The following IQCB1 variants were observed in gnomAD, a reference collection of about 807,000 sequenced individuals.
IQCB1 encodes IQ calmodulin-binding motif-containing protein 1.
IQCB1 carries 56 observed loss-of-function variants against 84.4 expected under a neutral mutation model. The observed-to-expected ratio is 0.66, with a 90% CI of 0.54 to 0.83. The LOEUF (loss-of-function observed/expected upper bound fraction) is 0.83. Among genes scored for constraint, IQCB1 ranks in the 40% least tolerant of loss-of-function variants. IQCB1 has a pLI of 0.00. For missense variants in IQCB1, 629 were observed against 682.1 expected (o/e 0.92, Z 0.87); for synonymous variants, 210 against 234.8 (o/e 0.89, Z 0.96).
intron 5 of IQCB1, among the ~76,000 whole-genome samples, chr3:121,818,354 G>A (rs1412475803): frequency 6.6e-6 from 1 of 152,164 alleles, no homozygotes; most frequent in Non-Finnish European, 1.5e-5. Flanking sequence ...ATTCCCACTT[G>A]CGGGTACCTA....
chr3:121,829,683 C>T (rs1019794858), intron 2 of IQCB1, among the ~76,000 whole-genome samples: 2 of 152,172 alleles, frequency 1.3e-5, no homozygotes, highest in South Asian at 2.1e-4. Flanking sequence ...TTAAGCATAT[C>T]CTACGTAACT....
intron 10 of IQCB1, among the ~76,000 whole-genome samples, 157 bp downstream of exon 10, chr3:121,795,300 T>G (rs1357043231): frequency 2.0e-5 from 3 of 151,972 alleles, no homozygotes; most frequent in Non-Finnish European, 4.4e-5. Flanking sequence ...AAAGTGCATC[T>G]GGTTACTGGA....
In IQCB1 at chr3:121,807,445, T is replaced by G; in HGVS notation, c.488-2A>C. ...GTAAGAAATGATCACTTTGTAGTAC[T>G]AAAGGAAAAGAAAAAAAAAGAAAGA... On this transcript the variant is annotated splice_acceptor_variant, in intron 6 of 14. Coordinates refer to ENST00000310864, the MANE Select transcript of IQCB1 (RefSeq NM_001023570.4). LOFTEE classifies it high-confidence loss of function. 1 of 1,380,384 alleles carries G rather than the reference T, an allele frequency of 7.2e-7. No individual in the cohort carries two copies. Among genetic ancestry groups the G allele is most frequent in the Non-Finnish European group, 1.0e-6 (1 of 970,186 alleles). The allele number at this position is 1,380,384 out of a possible 1,614,324, so 85.5% of individuals were successfully genotyped here. A position where few individuals can be genotyped will look rare whatever the true frequency, so the allele number is the denominator to read the frequency against.
intron 13 of IQCB1, among the ~76,000 whole-genome samples, chr3:121,780,765 G>A (rs1321494403): frequency 1.3e-5 from 2 of 152,214 alleles, no homozygotes; most frequent in Admixed American, 6.5e-5. Flanking sequence ...GAATGAAAGG[G>A]TGAATGATAG....
intron 4 of IQCB1, among the ~76,000 whole-genome samples, chr3:121,827,662 GT>G (rs1950506401): frequency 1.3e-5 from 2 of 152,032 alleles, no homozygotes; most frequent in Non-Finnish European, 2.9e-5. Flanking sequence ...TTGTAACTGT[GT>G]GCTTTAAATT....
intron 13 of IQCB1, among the ~76,000 whole-genome samples, chr3:121,780,268 T>C (rs1452867015): frequency 2.0e-5 from 3 of 152,206 alleles, no homozygotes; most frequent in African/African-American, 7.2e-5. Context: ...GGGGTAATTA[T>C]AGGGCTTGCT....
chr3:121,797,238 A>T lies in IQCB1; in HGVS notation c.767-11T>A. 8.1e-7 allele frequency: 1 copy of T among 1,232,026 alleles called. No homozygotes were observed. The highest frequency in any genetic ancestry group is 2.3e-5 in the East Asian group (1 of 43,102). The allele number at this position is 1,232,026 out of a possible 1,614,324, so 76.3% of individuals were successfully genotyped here. ...GTAGACGTCTGAGTCCTGAAATGGA[A>T]TAGCAAAAGGTACAACTATTATTAT... is the stretch of plus-strand genomic sequence containing the variant. On this transcript the variant is annotated splice_polypyrimidine_tract_variant and intron_variant, in intron 8 of 14. Transcript: ENST00000310864.
chr3:121,812,760 A>G (rs1034943085), intron 5 of IQCB1, among the ~76,000 whole-genome samples: 2 of 152,212 alleles, frequency 1.3e-5, no homozygotes, highest in Non-Finnish European at 2.9e-5. Context: ...TCCAAGGAAT[A>G]TGGAACTATG....
At chr3:121,830,397 C>A (rs1403076851) in intron 2 of IQCB1, among the ~76,000 whole-genome samples, 2 of 151,170 alleles carry the variant, frequency 1.3e-5, no homozygotes, top group Non-Finnish European at 3.0e-5. Context: ...AAGACCCTGT[C>A]TCTAAAAAAA....
Position 121,781,873 on chromosome 3 carries a change from G to T in IQCB1, c.1280C>A (p.Ala427Glu), listed in dbSNP as rs138646990. 4.2e-5 allele frequency: 67 copies of T among 1,612,514 alleles called. No individual in the cohort carries two copies. In the African/African-American group the frequency reaches 6.5e-4, roughly 16 times the overall value. The change falls in exon 13 of 15, where the codon GCG becomes GAG. Residue 427 changes from alanine to glutamate, a missense_variant and splice_region_variant. Physicochemically the swap from Ala to Glu is moderately radical, Grantham distance 107. Transcript: ENST00000310864. ...YKAAVTLQRA[A>E]LKFLAKCRKK... ...ACGGCACTTCGCTAGGAATTTAAGC[G>T]CCTGGAAGAAAAAAAATTGAAGGTT... is the stretch of plus-strand genomic sequence containing the variant.
chr3:121,781,650 C>T lies in IQCB1; in HGVS notation c.1410+93G>A, dbSNP rs953041661. On this transcript the variant is annotated intron_variant, in intron 13 of 14. Coordinates refer to ENST00000310864, the MANE Select transcript of IQCB1 (RefSeq NM_001023570.4). The stretch of plus-strand genomic sequence containing the variant: ...ATAAATGTACACACACACACACACA[C>T]ACACACACACACAATATATGTGTGT... 5.0e-5 allele frequency: 46 copies of T among 925,470 alleles called. No homozygotes were observed. The African/African-American group carries it at 8.8e-4, about 18-fold the overall frequency. The allele number at this position is 925,470 out of a possible 1,614,324, so 57.3% of individuals were successfully genotyped here. A position where few individuals can be genotyped will look rare whatever the true frequency, so the allele number is the denominator to read the frequency against.
At chr3:121,832,008 G>A (rs1023149028) in intron 2 of IQCB1, among the ~76,000 whole-genome samples, 1 of 152,146 alleles carries the variant, frequency 6.6e-6, no homozygotes, top group Non-Finnish European at 1.5e-5. Flanking sequence ...GCTATTACAA[G>A]CAACACTGCA....
At chr3:121,826,704 C>T (rs547575259) in intron 4 of IQCB1, among the ~76,000 whole-genome samples, 3 of 152,076 alleles carry the variant, frequency 2.0e-5, no homozygotes, top group Middle Eastern at 3.2e-3. Context: ...GAAGGACAAA[C>T]GGCAAAACCT....
In IQCB1 at chr3:121,807,282, A is replaced by C; in HGVS notation, c.587+62T>G. On this transcript the variant is annotated intron_variant, in intron 7 of 14. Coordinates refer to ENST00000310864, the MANE Select transcript of IQCB1 (RefSeq NM_001023570.4). ...ATGCGGTCAATTTTAGCAAAATTGG[A>C]ATAAAATTGGTAATGCTTCTGATAA... The C allele has an allele frequency of 3.5e-6, 3 of 849,154 alleles. No homozygotes were observed. In the South Asian group the frequency reaches 4.0e-5, roughly 11 times the overall value. 52.6% of individuals were successfully genotyped at this position (849,154 alleles called of 1,614,324 possible). A position where few individuals can be genotyped will look rare whatever the true frequency, so the allele number is the denominator to read the frequency against.
chr3:121,820,259 A>G (rs1950226110), intron 5 of IQCB1, among the ~76,000 whole-genome samples: 1 of 152,186 alleles, frequency 6.6e-6, no homozygotes, highest in Non-Finnish European at 1.5e-5. Flanking sequence ...TGGCAGGTAG[A>G]GCACCTAGCA....
chr3:121,801,764 C>A (rs1949415695), intron 7 of IQCB1, among the ~76,000 whole-genome samples: 2 of 145,818 alleles, frequency 1.4e-5, no homozygotes, highest in African/African-American at 5.1e-5. Context: ...AACCACCGAT[C>A]TGCTTTCTGA....
intron 6 of IQCB1, among the ~76,000 whole-genome samples, chr3:121,808,259 C>T (rs891973921): frequency 7.9e-5 from 12 of 151,856 alleles, no homozygotes; most frequent in Admixed American, 2.6e-4. Flanking sequence ...AAATTATGTG[C>T]ATGCAATGAT....
At chr3:121,795,606 GTCTTT>G in intron 9 of IQCB1, 40 bp from the exon 10 acceptor site, 1 of 1,133,346 alleles carries the variant, frequency 8.8e-7, no homozygotes, top group Non-Finnish European at 1.3e-6. Context: ...CTCTAGGAAG[GTCTTT>G]AAAAAAAAAA....
At chr3:121,791,617 A>G (rs998314067) in intron 10 of IQCB1, among the ~76,000 whole-genome samples, 1 of 152,306 alleles carries the variant, frequency 6.6e-6, no homozygotes, top group East Asian at 1.9e-4. Context: ...GAAGTAGGTA[A>G]GGGCCTCTCC....
Sources: allele counts gnomAD v4.1 joint callset (sites outside exome capture counted in the v4.1 genomes callset), GRCh38; gene constraint gnomAD v4.1.1; transcripts MANE v1.5; gene names NCBI Gene and HGNC (gene_info 2026-07-23, HGNC 2026-07-21).